The following SLC22A23 variants were observed in gnomAD, a reference collection of about 807,000 sequenced individuals.
The protein encoded by SLC22A23 is ion transporter protein.
A neutral mutation model predicts 61.0 loss-of-function variants in SLC22A23; 26 were observed. The observed-to-expected ratio is 0.43, with a 90% CI of 0.31 to 0.59. The LOEUF is 0.59. Ranked by LOEUF, SLC22A23 falls within the 20% of genes least tolerant of loss-of-function variation. The probability of loss-of-function intolerance (pLI) is 0.11; values close to 1 mark genes in which losing one functional copy is unlikely to be tolerated. For synonymous variants in SLC22A23, 430 were observed against 413.9 expected (o/e 1.04, Z -0.47); for missense variants, 796 against 934.7 (o/e 0.85, Z 1.94).
At chr6:3,275,321 ATAAT>A (rs766313100) in intron 9 of SLC22A23, among the ~76,000 whole-genome samples, 1 of 152,208 alleles carries the variant, frequency 6.6e-6, no homozygotes, top group Non-Finnish European at 1.5e-5. Context: ...CTCAAAATGG[ATAAT>A]AAAATCTAAG....
rs1759963080 is a variant in SLC22A23 at position 3,286,002 on chromosome 6, TGTG to T, written c.1546+854_1546+856del. The stretch of plus-strand genomic sequence containing the variant: ...CGCCCTGGGCTGGCCACGGAGATGC[TGTG>T]GTGGTTTGTCCATACACGGGAATGG... On this transcript the variant is annotated intron_variant, in intron 7 of 9. Coordinates refer to ENST00000406686, the MANE Select transcript of SLC22A23 (RefSeq NM_015482.2). The surrounding 1 kb of genome is among the most constrained non-coding windows in gnomAD (Gnocchi z 4.2). Among the ~76,000 whole-genome samples the T allele has an allele frequency of 6.6e-6, 1 of 152,140 alleles. No individual in the cohort carries two copies. Among genetic ancestry groups the T allele is most frequent in the African/African-American group, 2.4e-5 (1 of 41,412 alleles).
At chr6:3,416,007 T>C (rs1182237688) in intron 1 of SLC22A23, among the ~76,000 whole-genome samples, 152 bp from the exon 2 acceptor site, 1 of 152,242 alleles carries the variant, frequency 6.6e-6, no homozygotes, top group East Asian at 1.9e-4. Flanking sequence ...TTCCATGGTT[T>C]TGAAAATCCA....
chr6:3,439,841 T>C (rs1226253895), intron 1 of SLC22A23, among the ~76,000 whole-genome samples: 1 of 151,774 alleles, frequency 6.6e-6, no homozygotes, highest in Non-Finnish European at 1.5e-5. Context: ...GGCAACAGGA[T>C]GGAGGGGTGG....
At chr6:3,430,068 C>CA (rs1336855406) in intron 1 of SLC22A23, among the ~76,000 whole-genome samples, 5 of 151,882 alleles carry the variant, frequency 3.3e-5, no homozygotes, top group East Asian at 3.9e-4. Flanking sequence ...CACGCACACA[C>CA]AAAAAAAAGT....
chr6:3,296,833 C>T (rs1761144359), intron 5 of SLC22A23, among the ~76,000 whole-genome samples: 3 of 152,192 alleles, frequency 2.0e-5, no homozygotes, highest in Admixed American at 6.5e-5. Context: ...CTTCTAGTGA[C>T]CTAGTGTCCC....
chr6:3,455,191 G>A (rs1338170705), intron 1 of SLC22A23, among the ~76,000 whole-genome samples: 1 of 152,224 alleles, frequency 6.6e-6, no homozygotes, highest in East Asian at 1.9e-4. Context: ...AGGACTCAGA[G>A]GACAAGGTGC....
At chr6:3,403,523 A>C (rs1768579107) in intron 3 of SLC22A23, among the ~76,000 whole-genome samples, 1 of 152,176 alleles carries the variant, frequency 6.6e-6, no homozygotes, top group African/African-American at 2.4e-5. Flanking sequence ...TTAACCATTA[A>C]TCTTACCCTA....
chr6:3,415,203 C>T (rs1446219563), intron 2 of SLC22A23, among the ~76,000 whole-genome samples: 2 of 152,164 alleles, frequency 1.3e-5, no homozygotes, highest in African/African-American at 2.4e-5. Context: ...CTGCCCACAG[C>T]GCCCATCTGT....
intron 3 of SLC22A23, among the ~76,000 whole-genome samples, chr6:3,408,732 G>A (rs941795064): frequency 6.6e-6 from 1 of 152,196 alleles, no homozygotes; most frequent in Non-Finnish European, 1.5e-5. Context: ...GTGAGGCTGA[G>A]GTTATATTCT....
At chr6:3,435,903 G>T (rs1771180080) in intron 1 of SLC22A23, among the ~76,000 whole-genome samples, 1 of 152,180 alleles carries the variant, frequency 6.6e-6, no homozygotes, top group Non-Finnish European at 1.5e-5. Context: ...ACCACGTGGG[G>T]ACAGAGGGAG....
In SLC22A23 at chr6:3,398,454, A is replaced by ATT. The variant is rs1219591163; in HGVS notation, c.913+11732_913+11733dup. On this transcript the variant is annotated intron_variant, in intron 3 of 9. Coordinates refer to ENST00000406686, the MANE Select transcript of SLC22A23 (RefSeq NM_015482.2). ...CAACTCTGCTTGGATACAAAGCACT[A>ATT]TTTTTTTTTTTTTTTTTTTTTACAA... Among the ~76,000 whole-genome samples the ATT allele has an allele frequency of 8.9e-3, 1,129 of 127,218 alleles. 11 individuals are homozygous for ATT. The highest frequency in any genetic ancestry group is 0.011 in the Non-Finnish European group (682 of 59,866). 83.5% of individuals were successfully genotyped at this position (127,218 alleles called of 152,430 possible).
intron 1 of SLC22A23, among the ~76,000 whole-genome samples, chr6:3,452,690 A>G (rs1287314820): frequency 6.6e-6 from 1 of 150,812 alleles, no homozygotes; most frequent in Non-Finnish European, 1.5e-5. Context: ...AATAATGTAT[A>G]TGAAATGTTT....
At chr6:3,411,482 G>T (rs1327668137) in intron 2 of SLC22A23, among the ~76,000 whole-genome samples, 2 of 152,164 alleles carry the variant, frequency 1.3e-5, no homozygotes, top group African/African-American at 4.8e-5. Flanking sequence ...GGGGGGTGAT[G>T]TTTCCATCAT....
At chr6:3,447,057 T>C (rs1771931019) in intron 1 of SLC22A23, among the ~76,000 whole-genome samples, 2 of 152,362 alleles carry the variant, frequency 1.3e-5, no homozygotes, top group African/African-American at 4.8e-5. Context: ...GAACTCTGAC[T>C]GCATCATATC....
intron 1 of SLC22A23, among the ~76,000 whole-genome samples, chr6:3,418,475 T>C (rs1484805272): frequency 6.6e-6 from 1 of 152,108 alleles, no homozygotes; most frequent in African/African-American, 2.4e-5. Context: ...CCCATTAAGG[T>C]GCTAGCTAAT....
chr6:3,422,344 C>T (rs1376571686), intron 1 of SLC22A23, among the ~76,000 whole-genome samples: 3 of 152,162 alleles, frequency 2.0e-5, no homozygotes, highest in Non-Finnish European at 4.4e-5. Context: ...CACACAGAGT[C>T]CACCCTGGAA....
chr6:3,272,721 C>G lies in SLC22A23; in HGVS notation c.*334G>C, dbSNP rs1758554017. On this transcript the variant is annotated 3_prime_UTR_variant, in exon 10 of 10. Coordinates refer to ENST00000406686, the MANE Select transcript of SLC22A23 (RefSeq NM_015482.2). ...ATGGCCCTGGTCACTGTGGCATCTT[C>G]CCAGAGCAACTGCGTCTCGCTGCCC... is the stretch of plus-strand genomic sequence containing the variant. The G allele has an allele frequency of 5.2e-6, 1 of 192,656 alleles. No individual in the cohort carries two copies. The highest frequency in any genetic ancestry group is 1.1e-5 in the Non-Finnish European group (1 of 93,194). 11.9% of individuals were successfully genotyped at this position (192,656 alleles called of 1,614,324 possible). A position where few individuals can be genotyped will look rare whatever the true frequency, so the allele number is the denominator to read the frequency against.
intron 1 of SLC22A23, among the ~76,000 whole-genome samples, chr6:3,452,599 T>TAAA (rs570923626): frequency 9.9e-5 from 4 of 40,560 alleles, no homozygotes; most frequent in Non-Finnish European, 1.6e-4. Flanking sequence ...AGACGCTGTC[T>TAAA]AAAAAAAAAA....
chr6:3,273,357 G>A lies in SLC22A23; in HGVS notation c.1759C>T (p.Pro587Ser), dbSNP rs148262614. ...ASAGFGMLTA[P>S]IIELHNQKGY... is the part of the protein sequence containing the mutation. ...TTCTGGTTGTGCAGCTCGATGATGG[G>A]TGCCGTCAGCATGCCGAAGCCCGCG... The change falls in exon 10 of 10, where the codon CCC becomes TCC. Residue 587 changes from proline (P) to serine (S), a missense_variant. Coordinates refer to ENST00000406686, the MANE Select transcript of SLC22A23 (RefSeq NM_015482.2). The A allele has an allele frequency of 1.9e-6, 3 of 1,613,644 alleles. No individual in the cohort carries two copies. Among genetic ancestry groups the A allele is most frequent in the South Asian group, 2.2e-5 (2 of 91,094 alleles).
Sources: allele counts gnomAD v4.1 joint callset (sites outside exome capture counted in the v4.1 genomes callset), GRCh38; gene constraint gnomAD v4.1.1; non-coding constraint Gnocchi (gnomAD v3.1); transcripts MANE v1.5; gene names NCBI Gene and HGNC (gene_info 2026-07-23, HGNC 2026-07-21).